The following NXPH1 variants were observed in gnomAD, a reference collection of about 807,000 sequenced individuals.
NXPH1 encodes the protein neurexophilin 1, also known as neurexophilin-1.
In NXPH1, 5 loss-of-function variants were observed where a neutral mutation model predicts 23.7. That is an observed-to-expected ratio of 0.21 (90% CI 0.11 to 0.44). The LOEUF (loss-of-function observed/expected upper bound fraction) is 0.44. NXPH1 is among the 20% of genes least tolerant of loss of function. The probability of loss-of-function intolerance (pLI) is 0.99; values close to 1 mark genes in which losing one functional copy is unlikely to be tolerated. For missense variants in NXPH1, 324 were observed against 321.6 expected, an observed-to-expected ratio of 1.01 and a Z score of -0.06; for synonymous variants, 144 against 122.2, an observed-to-expected ratio of 1.18 and a Z score of -1.18.
chr7:8,748,471 G>T (rs559973504), intron 2 of NXPH1, among the ~76,000 whole-genome samples: 1 of 152,308 alleles, frequency 6.6e-6, no homozygotes, highest in Admixed American at 6.5e-5. Context: ...GCTTATTGTG[G>T]GGAGCAGACA....
intron 2 of NXPH1, among the ~76,000 whole-genome samples, chr7:8,677,611 T>C (rs1820970992): frequency 6.6e-6 from 1 of 152,114 alleles, no homozygotes; most frequent in Non-Finnish European, 1.5e-5. Flanking sequence ...CTCCTGGCCA[T>C]ATGGAGCCCA....
intron 2 of NXPH1, among the ~76,000 whole-genome samples, chr7:8,487,120 TATC>T (rs1817171896): frequency 6.6e-6 from 1 of 152,292 alleles, no homozygotes; most frequent in East Asian, 1.9e-4. Context: ...GTAATCTACT[TATC>T]ATATATTCTA....
chr7:8,439,591 C>T lies in NXPH1; in HGVS notation c.54+3824C>T, dbSNP rs568370720. On this transcript the variant is annotated intron_variant, in intron 2 of 2. Coordinates refer to ENST00000405863, the MANE Select transcript of NXPH1 (RefSeq NM_152745.3). ...AATTAAATTGCTAATAATCAAGTTG[C>T]TTTTTAAATCAAAATAGGCATGAAT... Among the ~76,000 whole-genome samples the T allele has an allele frequency of 3.3e-5, 5 of 152,206 alleles. No homozygotes were observed. In the South Asian group the frequency reaches 1.0e-3, roughly 31 times the overall value.
chr7:8,597,804 T>G (rs1240125810), intron 2 of NXPH1, among the ~76,000 whole-genome samples: 4 of 152,050 alleles, frequency 2.6e-5, no homozygotes, highest in Non-Finnish European at 4.4e-5. Flanking sequence ...TTAGCTACTG[T>G]TAATGCTGAT....
At chr7:8,445,191 A>G (rs984548651) in intron 2 of NXPH1, among the ~76,000 whole-genome samples, 3 of 152,274 alleles carry the variant, frequency 2.0e-5, no homozygotes, top group African/African-American at 4.8e-5. Context: ...TGATATTAAC[A>G]GAATTGTCCT....
At chr7:8,717,709 A>G (rs964942072) in intron 2 of NXPH1, among the ~76,000 whole-genome samples, 1 of 152,186 alleles carries the variant, frequency 6.6e-6, no homozygotes, top group African/African-American at 2.4e-5. Flanking sequence ...CTCCTGCTAC[A>G]TATGTGGTAA....
At chr7:8,537,919 C>T (rs925101081) in intron 2 of NXPH1, among the ~76,000 whole-genome samples, 1 of 151,766 alleles carries the variant, frequency 6.6e-6, no homozygotes, top group Non-Finnish European at 1.5e-5. Context: ...TAGAGATAAT[C>T]AGTTCAACTC....
intron 2 of NXPH1, among the ~76,000 whole-genome samples, chr7:8,737,050 G>A (rs1780270975): frequency 6.6e-6 from 1 of 151,982 alleles, no homozygotes; most frequent in South Asian, 2.1e-4. Flanking sequence ...TGGGTCTCCT[G>A]AATACAGCAG....
chr7:8,712,764 G>A (rs1247701905), intron 2 of NXPH1, among the ~76,000 whole-genome samples: 1 of 152,106 alleles, frequency 6.6e-6, no homozygotes, highest in Non-Finnish European at 1.5e-5. Context: ...TAGCCTCCTT[G>A]CTCATGGTCA....
At chr7:8,647,776 T>A (rs1820418731) in intron 2 of NXPH1, among the ~76,000 whole-genome samples, 1 of 151,122 alleles carries the variant, frequency 6.6e-6, no homozygotes, top group African/African-American at 2.4e-5. Flanking sequence ...TCTTAACCAT[T>A]CGGTTTTTTT....
intron 2 of NXPH1, among the ~76,000 whole-genome samples, chr7:8,597,746 C>T (rs1249036607): frequency 1.3e-5 from 2 of 151,240 alleles, no homozygotes; most frequent in Non-Finnish European, 2.9e-5. Context: ...GTAGCTATCA[C>T]CTTTCTACTT....
intron 2 of NXPH1, among the ~76,000 whole-genome samples, chr7:8,739,563 G>T (rs1562471175): frequency 6.6e-6 from 1 of 152,096 alleles, no homozygotes; most frequent in Non-Finnish European, 1.5e-5. Flanking sequence ...GATCTTGCTG[G>T]GAGCTGCAGA....
chr7:8,510,005 C>T (rs1190313098), intron 2 of NXPH1, among the ~76,000 whole-genome samples: 2 of 152,094 alleles, frequency 1.3e-5, no homozygotes, highest in Non-Finnish European at 2.9e-5. Flanking sequence ...TTTAGATGTT[C>T]ACTGTTTCAA....
intron 2 of NXPH1, among the ~76,000 whole-genome samples, chr7:8,451,936 T>C (rs1816513728): frequency 6.6e-6 from 1 of 152,240 alleles, no homozygotes; most frequent in Non-Finnish European, 1.5e-5. Flanking sequence ...TTCACCATGG[T>C]ATGTCTCATG....
chr7:8,445,772 T>G (rs1682076984), intron 2 of NXPH1, among the ~76,000 whole-genome samples: 1 of 152,248 alleles, frequency 6.6e-6, no homozygotes, highest in Admixed American at 6.5e-5. Flanking sequence ...TTCTTTTGTT[T>G]TCATATAAGT....
At chr7:8,687,648 C>A (rs190616291) in intron 2 of NXPH1, among the ~76,000 whole-genome samples, 1 of 152,198 alleles carries the variant, frequency 6.6e-6, no homozygotes, top group Non-Finnish European at 1.5e-5. Context: ...GCAAGATAAC[C>A]ACACTGATCA....
intron 2 of NXPH1, among the ~76,000 whole-genome samples, chr7:8,618,230 T>C (rs925421072): frequency 6.6e-6 from 1 of 152,146 alleles, no homozygotes; most frequent in African/African-American, 2.4e-5. Flanking sequence ...TTGGGATCTA[T>C]TTTATGGTAT....
At chr7:8,695,280 G>A (rs991594671) in intron 2 of NXPH1, among the ~76,000 whole-genome samples, 11 of 152,132 alleles carry the variant, frequency 7.2e-5, no homozygotes, top group Non-Finnish European at 1.5e-4. Flanking sequence ...AAGAGTTAGG[G>A]TTATCTTCAT....
intron 2 of NXPH1, among the ~76,000 whole-genome samples, chr7:8,457,323 TG>T (rs1816613955): frequency 6.6e-6 from 1 of 152,206 alleles, no homozygotes; most frequent in East Asian, 1.9e-4. Context: ...TCTTCCTAAA[TG>T]GGGGAAGAAA....
Sources: gnomAD v4.1 joint callset for allele counts (sites outside exome capture counted in the v4.1 genomes callset) on GRCh38, gnomAD v4.1.1 for gene constraint, MANE v1.5 for transcripts, NCBI Gene and HGNC (gene_info 2026-07-23, HGNC 2026-07-21) for gene names.